VWA5B1: variants seen among roughly 807,000 people sequenced by gnomAD.
VWA5B1 encodes von Willebrand factor A domain containing 5B1, also known as von Willebrand factor A domain-containing protein 5B1.
Under a neutral mutation model 118.2 loss-of-function variants are expected in VWA5B1, and 115 were observed. The observed-to-expected ratio is 0.97, with a 90% CI of 0.84 to 1.14. VWA5B1 has a LOEUF of 1.14. Ranked by LOEUF, VWA5B1 falls within the 50% of genes most tolerant of loss-of-function variation. VWA5B1 has a pLI of 0.00. For synonymous variants in VWA5B1, 682 were observed against 658.4 expected, an observed-to-expected ratio of 1.04 and a Z score of -0.55; for missense variants, 1,596 against 1,603.8, an observed-to-expected ratio of 1.00 and a Z score of 0.08.
chr1:20,306,275 A>G (rs1018500944), intron 1 of VWA5B1, among the ~76,000 whole-genome samples: 5 of 152,014 alleles, frequency 3.3e-5, no homozygotes, highest in Non-Finnish European at 7.4e-5. Context: ...GTGCATGTCT[A>G]GAGGCTGGAG....
Position 20,354,467 on chromosome 1 carries a change from C to A in VWA5B1, c.*204C>A. On this transcript the variant is annotated 3_prime_UTR_variant, in exon 22 of 22. Transcript: ENST00000289815. ...ATGCAACTTTAGGCCAGTGCCTGCCCCCGTCTGGGCCTCAGTTTCCTCATC... is the reference window on the plus strand; with the variant it reads ...ATGCAACTTTAGGCCAGTGCCTGCCACCGTCTGGGCCTCAGTTTCCTCATC... The A allele has an allele frequency of 1.6e-6, 1 of 617,156 alleles. No individual in the cohort carries two copies. The highest frequency in any genetic ancestry group is 2.8e-6 in the Non-Finnish European group (1 of 362,218). 38.2% of individuals were successfully genotyped at this position (617,156 alleles called of 1,614,324 possible). A position where few individuals can be genotyped will look rare whatever the true frequency, so the allele number is the denominator to read the frequency against.
chr1:20,351,951 G>A, intron 20 of VWA5B1, 104 bp from the exon 21 acceptor site: 1 of 794,206 alleles, frequency 1.3e-6, no homozygotes, highest in Non-Finnish European at 2.0e-6. Context: ...TAAGGAGGCT[G>A]GAGGGAGCCA....
chr1:20,314,693 G>A (rs1005194918), intron 4 of VWA5B1, 101 bp downstream of exon 4: 86 of 1,477,780 alleles, frequency 5.8e-5, no homozygotes, highest in Non-Finnish European at 7.7e-5. Flanking sequence ...ACAGGGAGGA[G>A]ATGGGGAGGC....
In VWA5B1 at chr1:20,357,429, T is replaced by C. The variant is rs1040651048; in HGVS notation, c.*3166T>C. On this transcript the variant is annotated 3_prime_UTR_variant, in exon 22 of 22. Transcript: ENST00000289815. Reference sequence around the variant, plus strand: ...CAAACTTCTTTAGATTAGGACAACCTGACCCGTTAATATGTTACTGTGCGT... The same window carrying C: ...CAAACTTCTTTAGATTAGGACAACCCGACCCGTTAATATGTTACTGTGCGT... 1.3e-5 allele frequency among the ~76,000 whole-genome samples: 2 copies of C among 152,250 alleles called. No individual in the cohort carries two copies. The highest frequency in any genetic ancestry group is 1.3e-4 in the Admixed American group (2 of 15,286).
intron 2 of VWA5B1, among the ~76,000 whole-genome samples, chr1:20,311,359 T>C (rs2088843245): frequency 6.6e-6 from 1 of 152,200 alleles, no homozygotes; most frequent in African/African-American, 2.4e-5. Context: ...AGGAGAGGCA[T>C]CAAGACTCAG....
chr1:20,345,635 C>A (rs563328505), intron 17 of VWA5B1, 42 bp downstream of exon 17: 3 of 1,508,066 alleles, frequency 2.0e-6, no homozygotes, highest in African/African-American at 2.8e-5. Flanking sequence ...GGGGGCCAAG[C>A]AGCCCCTGTG....
chr1:20,331,499 G>C (rs559836262), intron 11 of VWA5B1, among the ~76,000 whole-genome samples: 1 of 152,332 alleles, frequency 6.6e-6, no homozygotes, highest in South Asian at 2.1e-4. Context: ...ATGAAAGGTG[G>C]AAGAGGAGGA....
chr1:20,308,440 C>T (rs2088734213), intron 1 of VWA5B1, among the ~76,000 whole-genome samples: 1 of 152,134 alleles, frequency 6.6e-6, no homozygotes, highest in Non-Finnish European at 1.5e-5. Context: ...CTGCGTTCCC[C>T]AATCAGCATT....
At chr1:20,337,542 A>C in intron 13 of VWA5B1, 104 bp from the exon 14 acceptor site, 1 of 1,294,142 alleles carries the variant, frequency 7.7e-7, no homozygotes, top group African/African-American at 1.5e-5. Flanking sequence ...TCAGTAGGCA[A>C]GAGGTGGAGA....
chr1:20,298,599 C>A (rs763299747), intron 1 of VWA5B1, among the ~76,000 whole-genome samples: 1 of 152,046 alleles, frequency 6.6e-6, no homozygotes, highest in Non-Finnish European at 1.5e-5. Context: ...GGCAGTGAGG[C>A]GAGCTCTACT....
At chr1:20,314,673 G>T in intron 4 of VWA5B1, 81 bp downstream of exon 4, 5 of 1,495,004 alleles carry the variant, frequency 3.3e-6, no homozygotes, top group Non-Finnish European at 4.5e-6. Context: ...AGGGGACAGG[G>T]TGGGGGGAGA....
chr1:20,291,387 T>TC lies in VWA5B1; in HGVS notation c.-27+299_-27+300insC, dbSNP rs57894456. ...TCTCTCTCTCTCTCTCTCTCTCTCT[T>TC]TCTGTCTCCTCTATTTCTCTCCCTC... On this transcript the variant is annotated intron_variant, in intron 1 of 21. Transcript: ENST00000289815. Among the ~76,000 whole-genome samples, 111 of 114,212 alleles carry TC rather than the reference T, an allele frequency of 9.7e-4. 1 individual carries two copies. The highest frequency in any genetic ancestry group is 1.5e-3 in the South Asian group (5 of 3,354). The allele number at this position is 114,212 out of a possible 152,430, so 74.9% of individuals were successfully genotyped here. A position where few individuals can be genotyped will look rare whatever the true frequency, so the allele number is the denominator to read the frequency against.
chr1:20,330,774 G>C, intron 10 of VWA5B1, 95 bp from the exon 11 acceptor site: 1 of 1,284,338 alleles, frequency 7.8e-7, no homozygotes, highest in Non-Finnish European at 1.1e-6. Context: ...CCAGCTCCAA[G>C]ATCCTGCCAG....
intron 12 of VWA5B1, among the ~76,000 whole-genome samples, chr1:20,335,035 A>G (rs2089672968): frequency 6.6e-6 from 1 of 152,118 alleles, no homozygotes; most frequent in African/African-American, 2.4e-5. Flanking sequence ...AGGCCAGGCC[A>G]TGGTGGCTCA....
At chr1:20,291,359 T>TTCTCTCTCTCTATCTCTCTC (rs2088298503) in intron 1 of VWA5B1, among the ~76,000 whole-genome samples, 1 of 103,342 alleles carries the variant, frequency 9.7e-6, no homozygotes, top group East Asian at 3.0e-4. Flanking sequence ...CTTTCTTTCT[T>TTCTCTCTCTCTATCTCTCTC]TCTCTCTCTC....
intron 21 of VWA5B1, 60 bp from the exon 22 acceptor site, chr1:20,353,697 G>A: frequency 1.4e-6 from 2 of 1,439,210 alleles, no homozygotes; most frequent in Non-Finnish European, 9.1e-7. Flanking sequence ...CTTTTGCATG[G>A]CCTATGGCTC....
intron 1 of VWA5B1, among the ~76,000 whole-genome samples, chr1:20,297,527 T>C (rs761018768): frequency 2.6e-5 from 4 of 152,178 alleles, no homozygotes; most frequent in African/African-American, 4.8e-5. Flanking sequence ...AGGCAGAAGA[T>C]CTGTACAATG....
intron 19 of VWA5B1, 73 bp from the exon 20 acceptor site, chr1:20,350,784 C>G: frequency 1.4e-6 from 2 of 1,420,236 alleles, no homozygotes; most frequent in Non-Finnish European, 9.7e-7. Flanking sequence ...GGCCTCTGTT[C>G]CCCCAGTTGG....
intron 14 of VWA5B1, among the ~76,000 whole-genome samples, chr1:20,340,203 A>G (rs1249895833): frequency 6.6e-6 from 1 of 151,050 alleles, no homozygotes; most frequent in African/African-American, 2.4e-5. Flanking sequence ...GTGCGCGCAC[A>G]CACACACACA....
Sources: gnomAD v4.1 joint callset for allele counts (sites outside exome capture counted in the v4.1 genomes callset) on GRCh38, gnomAD v4.1.1 for gene constraint, MANE v1.5 for transcripts, NCBI Gene and HGNC (gene_info 2026-07-23, HGNC 2026-07-21) for gene names.